Variants in DLG2 observed in about 807,000 individuals in gnomAD.
DLG2 encodes the protein discs large MAGUK scaffold protein 2, also known as disks large homolog 2.
DLG2 carries 45 observed loss-of-function variants against 132.5 expected under a neutral mutation model. The observed-to-expected ratio is 0.34, with a 90% CI of 0.27 to 0.44. The LOEUF (loss-of-function observed/expected upper bound fraction) is 0.44, where lower values mean the gene tolerates loss of function less well. DLG2 is among the 20% of genes least tolerant of loss of function. The pLI, the probability that DLG2 is intolerant of heterozygous loss-of-function variation, is 1.00. For missense variants in DLG2, 1,045 were observed against 1,196.9 expected, an observed-to-expected ratio of 0.87 and a Z score of 1.87; for synonymous variants, 424 against 419.6, an observed-to-expected ratio of 1.01 and a Z score of -0.13.
At chr11:84,703,443 G>A (rs1758468810) in intron 6 of DLG2, among the ~76,000 whole-genome samples, 1 of 151,378 alleles carries the variant, frequency 6.6e-6, no homozygotes, top group Non-Finnish European at 1.5e-5. Flanking sequence ...TAAGCAGTGG[G>A]TGCTGAAAAA....
At chr11:84,778,774 G>A (rs192361559) in intron 6 of DLG2, among the ~76,000 whole-genome samples, 1 of 152,170 alleles carries the variant, frequency 6.6e-6, no homozygotes, top group African/African-American at 2.4e-5. Flanking sequence ...TGAACTGAGA[G>A]AGGAAGACTC....
chr11:84,677,071 C>G (rs1247016216), intron 6 of DLG2, among the ~76,000 whole-genome samples: 1 of 151,880 alleles, frequency 6.6e-6, no homozygotes, highest in Non-Finnish European at 1.5e-5. Context: ...AACAGACATC[C>G]ATTGAAAGAG....
At chr11:84,594,796 C>A (rs1281487797) in intron 6 of DLG2, among the ~76,000 whole-genome samples, 1 of 152,126 alleles carries the variant, frequency 6.6e-6, no homozygotes, top group Non-Finnish European at 1.5e-5. Context: ...GAGCCTACTG[C>A]AATTATGGAA....
intron 3 of DLG2, chr11:85,469,596 C>T (rs919512653): frequency 2.2e-4 from 33 of 152,354 alleles, no homozygotes; most frequent in African/African-American, 7.7e-4. Flanking sequence ...TCTTCCACCA[C>T]GTTGGCATCC....
At chr11:84,508,374 T>C (rs1428021234) in intron 7 of DLG2, among the ~76,000 whole-genome samples, 1 of 151,906 alleles carries the variant, frequency 6.6e-6, no homozygotes, top group African/African-American at 2.4e-5. Flanking sequence ...AAGCCTTTGC[T>C]CAAATGCTAT....
intron 6 of DLG2, among the ~76,000 whole-genome samples, chr11:84,615,832 A>AAAAAAAAAAAC (rs2099603269): frequency 1.4e-5 from 2 of 147,092 alleles, no homozygotes; most frequent in Non-Finnish European, 3.0e-5. Flanking sequence ...AAAAAAAAAA[A>AAAAAAAAAAAC]AAAAAAAACT....
At chr11:84,828,975 A>C (rs568039646) in intron 6 of DLG2, among the ~76,000 whole-genome samples, 1 of 151,736 alleles carries the variant, frequency 6.6e-6, no homozygotes, top group East Asian at 2.0e-4. Context: ...AGACCAAATC[A>C]ATGGTGAGTC....
rs1164386994 is a variant in DLG2 at position 83,537,807 on chromosome 11, CAAAAAAAAAAA to C, written c.2117+3864_2117+3874del. On this transcript the variant is annotated intron_variant, in intron 20 of 27. Transcript: ENST00000376104. ...AGGCAACGAAAGTGAGACTCTGTCT[CAAAAAAAAAAA>C]AAAAAAAAAAAAAAAAAGAGAGAGA... 3.8e-4 allele frequency among the ~76,000 whole-genome samples: 7 copies of C among 18,292 alleles called. No individual in the cohort carries two copies. In the East Asian group the frequency reaches 6.0e-3, roughly 16 times the overall value. The allele number at this position is 18,292 out of a possible 152,430, so 12.0% of individuals were successfully genotyped here.
intron 9 of DLG2, among the ~76,000 whole-genome samples, chr11:84,106,346 C>T (rs776319439): frequency 3.3e-5 from 5 of 152,020 alleles, no homozygotes; most frequent in East Asian, 1.9e-4. Context: ...TCTCATGTTA[C>T]GATATCTAAA....
At chr11:84,153,530 T>G (rs2095355110) in intron 9 of DLG2, among the ~76,000 whole-genome samples, 2 of 152,216 alleles carry the variant, frequency 1.3e-5, no homozygotes, top group African/African-American at 4.8e-5. Flanking sequence ...TTGGAGGTTT[T>G]GCTCATTAAA....
At chr11:84,878,353 T>G (rs2086735042) in intron 6 of DLG2, among the ~76,000 whole-genome samples, 1 of 152,196 alleles carries the variant, frequency 6.6e-6, no homozygotes, top group African/African-American at 2.4e-5. Flanking sequence ...GTGGCACATA[T>G]ACACCATAGA....
intron 7 of DLG2, among the ~76,000 whole-genome samples, chr11:84,385,837 G>C (rs371958916): frequency 1.3e-5 from 2 of 152,028 alleles, no homozygotes; most frequent in Admixed American, 6.6e-5. Flanking sequence ...CTGTATGCAC[G>C]CATAATTTTG....
chr11:85,570,959 T>C (rs947066740), intron 3 of DLG2, among the ~76,000 whole-genome samples: 1 of 152,128 alleles, frequency 6.6e-6, no homozygotes, highest in Non-Finnish European at 1.5e-5. Context: ...TCTTATAATT[T>C]TTAATATTCT....
chr11:83,975,660 T>G (rs1269255047), intron 12 of DLG2, among the ~76,000 whole-genome samples: 4 of 151,856 alleles, frequency 2.6e-5, no homozygotes, highest in African/African-American at 9.7e-5. Flanking sequence ...GTATAATCTA[T>G]TTACAGAAGA....
At chr11:84,861,154 G>A (rs1001168707) in intron 6 of DLG2, among the ~76,000 whole-genome samples, 5 of 152,146 alleles carry the variant, frequency 3.3e-5, no homozygotes, top group Non-Finnish European at 5.9e-5. Flanking sequence ...TCTGTTGCTT[G>A]AGGGTCAGGG....
chr11:84,649,270 A>G (rs1016636782), intron 6 of DLG2, among the ~76,000 whole-genome samples: 3 of 152,190 alleles, frequency 2.0e-5, no homozygotes, highest in African/African-American at 4.8e-5. Context: ...CCCTAGTAAC[A>G]GTTTCTTTAT....
At chr11:83,694,472 T>C (rs921606266) in intron 18 of DLG2, among the ~76,000 whole-genome samples, 3 of 152,214 alleles carry the variant, frequency 2.0e-5, no homozygotes, top group Non-Finnish European at 4.4e-5. Context: ...ATCAGATCAT[T>C]GCAGATAGAA....
At chr11:84,857,241 T>C (rs1213914030) in intron 6 of DLG2, among the ~76,000 whole-genome samples, 2 of 151,964 alleles carry the variant, frequency 1.3e-5, no homozygotes, top group South Asian at 4.2e-4. Flanking sequence ...AATCTGTTTG[T>C]TTCTTTTTTA....
At chr11:83,757,130 G>A (rs184775676) in intron 18 of DLG2, among the ~76,000 whole-genome samples, 7 of 152,198 alleles carry the variant, frequency 4.6e-5, no homozygotes, top group African/African-American at 1.7e-4. Context: ...TCTTACTTTT[G>A]AGGAATTTAT....
Sources: gnomAD v4.1 joint callset for allele counts (sites outside exome capture counted in the v4.1 genomes callset) on GRCh38, gnomAD v4.1.1 for gene constraint, MANE v1.5 for transcripts, NCBI Gene and HGNC (gene_info 2026-07-23, HGNC 2026-07-21) for gene names.